Variants in NPAS3 observed in about 807,000 individuals in gnomAD.
NPAS3 encodes neuronal PAS domain-containing protein 3.
A neutral mutation model predicts 73.1 loss-of-function variants in NPAS3; 14 were observed. The ratio of observed to expected loss-of-function variants is 0.19; its 90% CI spans 0.13 to 0.30. The LOEUF (loss-of-function observed/expected upper bound fraction) is 0.30. NPAS3 is among the 10% of genes least tolerant of loss of function. The pLI is 1.00. For missense variants in NPAS3, 1,096 were observed against 1,250.0 expected (o/e 0.88, Z 1.86); for synonymous variants, 620 against 541.5 (o/e 1.14, Z -2.01).
chr14:33,670,792 A>C (rs554869014), intron 5 of NPAS3, among the ~76,000 whole-genome samples: 1 of 152,150 alleles, frequency 6.6e-6, no homozygotes, highest in East Asian at 2.0e-4. Flanking sequence ...GTCCTCCCTC[A>C]GGAATGACCT....
intron 4 of NPAS3, among the ~76,000 whole-genome samples, chr14:33,517,809 A>C (rs921537466): frequency 6.6e-6 from 1 of 152,088 alleles, no homozygotes; most frequent in African/African-American, 2.4e-5. Flanking sequence ...CCTGTTACTC[A>C]GAGAAGCTGT....
chr14:33,113,719 TGA>T (rs1262988474), intron 2 of NPAS3, among the ~76,000 whole-genome samples: 2 of 152,208 alleles, frequency 1.3e-5, no homozygotes, highest in Non-Finnish European at 2.9e-5. Flanking sequence ...ATAGGAGTGG[TGA>T]GAGAGGGCAT....
At position 33,684,253 on chromosome 14, in the gene NPAS3, A is replaced by G. The variant is rs1396961338; in HGVS notation, c.733+7868A>G. Reference sequence around the variant, plus strand: ...TTTTTTTTTTTTAACATAGTCTCTTACTTAGAACTAAAATAATCTAATCTA... The same window carrying G: ...TTTTTTTTTTTTAACATAGTCTCTTGCTTAGAACTAAAATAATCTAATCTA... On this transcript the variant is annotated intron_variant, in intron 6 of 11. Transcript: ENST00000356141. Among the ~76,000 whole-genome samples, 3 of 149,800 alleles carry G rather than the reference A, an allele frequency of 2.0e-5. No individual in the cohort carries two copies. In the East Asian group the frequency reaches 5.9e-4, roughly 30 times the overall value.
At chr14:33,053,182 T>A (rs529461140) in intron 1 of NPAS3, among the ~76,000 whole-genome samples, 1 of 152,238 alleles carries the variant, frequency 6.6e-6, no homozygotes, top group Admixed American at 6.5e-5. Flanking sequence ...ACTAGACAAA[T>A]CCCCTGTTAT....
chr14:33,211,027 A>C (rs1234828861), intron 2 of NPAS3, among the ~76,000 whole-genome samples: 1 of 152,314 alleles, frequency 6.6e-6, no homozygotes, highest in East Asian at 1.9e-4. Context: ...AATCAATGTG[A>C]AGTGAGCTTA....
intron 3 of NPAS3, among the ~76,000 whole-genome samples, chr14:33,223,836 CA>C (rs71118533): frequency 0.31 from 46,692 of 148,802 alleles, 7,446 homozygotes; most frequent in East Asian, 0.51. Flanking sequence ...AAATGTATGG[CA>C]AAAAAAAAAA....
intron 5 of NPAS3, among the ~76,000 whole-genome samples, chr14:33,591,642 G>A (rs1290129049): frequency 1.3e-5 from 2 of 152,174 alleles, no homozygotes; most frequent in Admixed American, 1.3e-4. Flanking sequence ...AATTCTTATA[G>A]AAACCATGTG....
At chr14:33,063,984 C>T (rs957981237) in intron 2 of NPAS3, among the ~76,000 whole-genome samples, 4 of 150,532 alleles carry the variant, frequency 2.7e-5, no homozygotes, top group East Asian at 1.9e-4. Flanking sequence ...AAGGAACACA[C>T]GCTGAATTAT....
chr14:33,721,931 T>A (rs1050972000), intron 6 of NPAS3, among the ~76,000 whole-genome samples: 3 of 152,154 alleles, frequency 2.0e-5, no homozygotes, highest in Non-Finnish European at 4.4e-5. Context: ...CTACTGATAC[T>A]GATGGATTCA....
At chr14:33,475,253 C>T (rs1050304894) in intron 4 of NPAS3, among the ~76,000 whole-genome samples, 5 of 151,858 alleles carry the variant, frequency 3.3e-5, no homozygotes, top group South Asian at 2.1e-4. Flanking sequence ...ATCTTAATCA[C>T]GAAAGTTTTA....
At chr14:33,171,951 C>T (rs527246344) in intron 2 of NPAS3, among the ~76,000 whole-genome samples, 1 of 152,160 alleles carries the variant, frequency 6.6e-6, no homozygotes, top group East Asian at 1.9e-4. Flanking sequence ...ATTTTTATGT[C>T]TCATAGAATA....
At chr14:33,241,213 C>T (rs908420163) in intron 3 of NPAS3, among the ~76,000 whole-genome samples, 5 of 151,930 alleles carry the variant, frequency 3.3e-5, no homozygotes, top group African/African-American at 4.8e-5. Context: ...TATTGATTTA[C>T]TTAGGTGTCC....
intron 7 of NPAS3, among the ~76,000 whole-genome samples, chr14:33,767,627 C>G (rs540941146): frequency 6.4e-5 from 9 of 139,652 alleles, no homozygotes; most frequent in African/African-American, 2.4e-4. Flanking sequence ...GTACCTGAAG[C>G]CTTTTTCGTT....
intron 4 of NPAS3, among the ~76,000 whole-genome samples, chr14:33,555,545 T>G (rs2139721071): frequency 6.6e-6 from 1 of 152,280 alleles, no homozygotes; most frequent in East Asian, 1.9e-4. Flanking sequence ...AACTTTGAGA[T>G]TAATCACACT....
chr14:33,260,375 C>G (rs2048930825), intron 3 of NPAS3, among the ~76,000 whole-genome samples: 1 of 151,714 alleles, frequency 6.6e-6, no homozygotes, highest in East Asian at 1.9e-4. Context: ...AGTTTGGCCA[C>G]AGTTCACTTT....
rs143888725 is a variant in NPAS3 at position 33,567,723 on chromosome 14, A to G, written c.558+7513A>G. Among the ~76,000 whole-genome samples, 44 of 152,316 alleles carry G rather than the reference A, an allele frequency of 2.9e-4. No homozygotes were observed. The East Asian group carries it at 7.9e-3, about 27-fold the overall frequency. Reference sequence around the variant, plus strand: ...GGATGTTTTACTTATTTTAACTCCAAATTAATTTCTTATTACAGGTGCATT... The same window carrying G: ...GGATGTTTTACTTATTTTAACTCCAGATTAATTTCTTATTACAGGTGCATT... On this transcript the variant is annotated intron_variant, in intron 5 of 11. Transcript: ENST00000356141.
At chr14:33,413,271 CA>C (rs1444025988) in intron 4 of NPAS3, among the ~76,000 whole-genome samples, 1 of 150,278 alleles carries the variant, frequency 6.7e-6, no homozygotes, top group Non-Finnish European at 1.5e-5. Context: ...TGGGAAAATT[CA>C]AAGCTTTTCT....
chr14:33,289,158 C>T (rs1283201307), intron 3 of NPAS3, among the ~76,000 whole-genome samples: 6 of 152,086 alleles, frequency 3.9e-5, no homozygotes, highest in East Asian at 1.9e-4. Flanking sequence ...CCAAGAGGCA[C>T]GCATTTTTAT....
At chr14:33,064,765 T>G (rs1307390778) in intron 2 of NPAS3, among the ~76,000 whole-genome samples, 1 of 152,236 alleles carries the variant, frequency 6.6e-6, no homozygotes, top group Non-Finnish European at 1.5e-5. Context: ...AGATCACCAC[T>G]GTTAACAATT....
Sources: allele counts gnomAD v4.1 joint callset (sites outside exome capture counted in the v4.1 genomes callset), GRCh38; gene constraint gnomAD v4.1.1; transcripts MANE v1.5; gene names NCBI Gene and HGNC (gene_info 2026-07-23, HGNC 2026-07-21).